TMLHE: variants seen among roughly 807,000 people sequenced by gnomAD.
TMLHE encodes trimethyllysine dioxygenase, mitochondrial.
TMLHE carries 18 observed loss-of-function variants against 25.7 expected under a neutral mutation model. That is an observed-to-expected ratio of 0.70 (90% CI 0.48 to 1.04). TMLHE has a LOEUF of 1.04. TMLHE is among the 50% of genes least tolerant of loss of function. The pLI, the probability that TMLHE is intolerant of heterozygous loss-of-function variation, is 0.00. For missense variants in TMLHE, 236 were observed against 259.0 expected (o/e 0.91, Z 0.61); for synonymous variants, 105 against 97.0 (o/e 1.08, Z -0.49).
At chrX:155,556,604 C>G (rs1557340870) in intron 1 of TMLHE, among the ~76,000 whole-genome samples, 2 of 108,984 alleles carry the variant, frequency 1.8e-5, no homozygotes, top group African/African-American at 6.7e-5. Flanking sequence ...TATCACAAGG[C>G]AAGTGGAGGC....
chrX:155,545,234 C>T lies in TMLHE; in HGVS notation c.43G>A (p.Asp15Asn). 1 of 1,206,707 alleles carries T rather than the reference C, an allele frequency of 8.3e-7. No individual in the cohort carries two copies. Among genetic ancestry groups the T allele is most frequent in the Non-Finnish European group, 1.1e-6 (1 of 893,589 alleles). The change falls in exon 2 of 8, where the codon GAC becomes AAC. Residue 15 changes from aspartate (D) to asparagine (N), a missense_variant. By Grantham distance (23) the Asp-to-Asn change is conservative. Coordinates refer to ENST00000334398, the MANE Select transcript of TMLHE (RefSeq NM_018196.4). The stretch of plus-strand genomic sequence containing the variant: ...TATATGACTCCTCCCTTCAGCAAGT[C>T]CTGAAGCCTGCTGTGTAGGTGGGAC... ...RLSHLHSRLQ[D>N]LLKGGVIYPA...
chrX:155,610,545 T>G (rs782352621), intron 1 of TMLHE, among the ~76,000 whole-genome samples: 1 of 111,882 alleles, frequency 8.9e-6, no homozygotes, highest in Non-Finnish European at 1.9e-5. Context: ...CTCCTTACTT[T>G]GACAATTTAT....
intron 1 of TMLHE, among the ~76,000 whole-genome samples, chrX:155,584,307 GA>G (rs1331940951): frequency 1.9e-5 from 2 of 105,998 alleles, no homozygotes; most frequent in African/African-American, 6.8e-5. Flanking sequence ...AATCCAGTCA[GA>G]AAAAAAAATA....
chrX:155,583,187 G>A (rs1557344817), intron 1 of TMLHE, among the ~76,000 whole-genome samples: 1 of 111,062 alleles, frequency 9.0e-6, no homozygotes, highest in Non-Finnish European at 1.9e-5. Flanking sequence ...TTGGGGGATG[G>A]GGGAGGGATA....
At chrX:155,585,900 A>T (rs2067660935) in intron 1 of TMLHE, among the ~76,000 whole-genome samples, 1 of 111,784 alleles carries the variant, frequency 8.9e-6, no homozygotes, top group Non-Finnish European at 1.9e-5. Flanking sequence ...AGAAATCAAT[A>T]GCAAGAAGAA....
chrX:155,568,064 G>A (rs1320296193), intron 1 of TMLHE, among the ~76,000 whole-genome samples: 1 of 61,639 alleles, frequency 1.6e-5, no homozygotes, highest in African/African-American at 3.6e-5. Flanking sequence ...CAAGGGGTCA[G>A]GGAGTTCCCT....
At chrX:155,507,722 T>C (rs1438842711) in intron 5 of TMLHE, among the ~76,000 whole-genome samples, 7 of 110,765 alleles carry the variant, frequency 6.3e-5, no homozygotes, top group African/African-American at 2.3e-4. Flanking sequence ...GAAGTTCCTA[T>C]TGGCATAGCA....
chrX:155,544,977 T>A, intron 2 of TMLHE, 119 bp downstream of exon 2: 1 of 747,156 alleles, frequency 1.3e-6, no homozygotes, highest in Non-Finnish European at 2.0e-6. Context: ...GATAGTAAAT[T>A]TTGTACTATG....
intron 1 of TMLHE, among the ~76,000 whole-genome samples, chrX:155,557,560 CCTTT>C (rs1168153681): frequency 1.8e-5 from 2 of 112,079 alleles, no homozygotes; most frequent in African/African-American, 6.5e-5. Context: ...CATTCTCTCT[CCTTT>C]TTTTCTAGGA....
chrX:155,525,549 G>A (rs187880836), intron 2 of TMLHE, among the ~76,000 whole-genome samples: 13 of 112,233 alleles, frequency 1.2e-4, no homozygotes, highest in South Asian at 3.7e-4. Context: ...TGAAAATGTC[G>A]AAGCAACTTT....
intron 6 of TMLHE, among the ~76,000 whole-genome samples, chrX:155,506,208 G>A (rs2067074912): frequency 9.0e-6 from 1 of 111,089 alleles, no homozygotes; most frequent in South Asian, 3.8e-4. Context: ...TGGAAGCAAG[G>A]ACATCAGTTA....
intron 4 of TMLHE, among the ~76,000 whole-genome samples, chrX:155,513,328 T>G (rs1446559468): frequency 9.0e-6 from 1 of 111,704 alleles, no homozygotes; most frequent in Admixed American, 9.5e-5. Flanking sequence ...CTGGGCTATT[T>G]GAATTCAAGT....
chrX:155,505,923 A>G (rs1056233736), intron 6 of TMLHE, among the ~76,000 whole-genome samples: 12 of 111,490 alleles, frequency 1.1e-4, no homozygotes, highest in African/African-American at 2.9e-4. Context: ...GCGGTAATCC[A>G]TCTGCAAAAA....
intron 1 of TMLHE, among the ~76,000 whole-genome samples, chrX:155,587,499 T>C (rs1284956802): frequency 1.8e-5 from 2 of 111,378 alleles, no homozygotes; most frequent in African/African-American, 6.5e-5. Flanking sequence ...AACATAATAC[T>C]GGAAGTGCTA....
At chrX:155,542,368 C>T (rs1337428574) in intron 2 of TMLHE, among the ~76,000 whole-genome samples, 1 of 111,259 alleles carries the variant, frequency 9.0e-6, no homozygotes, top group Non-Finnish European at 1.9e-5. Flanking sequence ...AAGAAAGGTA[C>T]AAATAAATGA....
chrX:155,544,959 A>G (rs1291967071), intron 2 of TMLHE, 137 bp downstream of exon 2: 17 of 615,289 alleles, frequency 2.8e-5, no homozygotes, highest in Non-Finnish European at 3.8e-5. Flanking sequence ...TACACTTAAA[A>G]TGGTTAAGAT....
intron 1 of TMLHE, among the ~76,000 whole-genome samples, chrX:155,595,222 T>C (rs1351548127): frequency 8.9e-6 from 1 of 112,168 alleles, no homozygotes; most frequent in African/African-American, 3.2e-5. Context: ...GTAGTTATAC[T>C]ACTATAATAA....
rs149189246 is a variant in TMLHE at position 155,524,566 on chromosome X, G to A, written c.248C>T (p.Ala83Val). The A allele has an allele frequency of 1.7e-4, 209 of 1,206,070 alleles. No individual in the cohort carries two copies. Among genetic ancestry groups the A allele is most frequent in the Non-Finnish European group, 2.2e-4 (197 of 893,196 alleles). Reference sequence around the variant, plus strand: ...GTGAGTCTTAGAGTTGTAGCACGATGCTGAGCGGCAGTGGTCTCGAAGCCA... The same window carrying A: ...GTGAGTCTTAGAGTTGTAGCACGATACTGAGCGGCAGTGGTCTCGAAGCCA... Reference protein sequence around the residue: ...YVWLRDHCRSASCYNSKTHQR... With the variant: ...YVWLRDHCRSVSCYNSKTHQR... The change falls in exon 3 of 8, where the codon GCA becomes GTA. Residue 83 changes from alanine (A) to valine (V), a missense_variant. This residue lies in a region of TMLHE where 217 missense variants were observed against 214.6 expected (regional missense o/e 1.01). Transcript: ENST00000334398.
intron 1 of TMLHE, among the ~76,000 whole-genome samples, chrX:155,608,946 G>A (rs2067803347): frequency 8.9e-6 from 1 of 112,245 alleles, no homozygotes; most frequent in Non-Finnish European, 1.9e-5. Flanking sequence ...TGGTGGGAAT[G>A]TCAGTTAGTT....
Sources: allele counts gnomAD v4.1 joint callset (sites outside exome capture counted in the v4.1 genomes callset), GRCh38; gene constraint gnomAD v4.1.1; regional missense constraint gnomAD v4.1.1; transcripts MANE v1.5; gene names NCBI Gene and HGNC (gene_info 2026-07-23, HGNC 2026-07-21).